Variants in MAP3K4 observed in about 807,000 individuals in gnomAD.
MAP3K4 encodes mitogen-activated protein kinase kinase kinase 4.
In MAP3K4, 67 loss-of-function variants were observed where a neutral mutation model predicts 185.6. The ratio of observed to expected loss-of-function variants is 0.36; its 90% CI spans 0.30 to 0.44. MAP3K4 has a LOEUF of 0.44. MAP3K4 is among the 20% of genes least tolerant of loss of function. The probability of loss-of-function intolerance (pLI) is 1.00; values close to 1 mark genes in which losing one functional copy is unlikely to be tolerated. For synonymous variants in MAP3K4, 702 were observed against 710.4 expected (o/e 0.99, Z 0.19); for missense variants, 1,551 against 1,995.1 (o/e 0.78, Z 4.24).
intron 1 of MAP3K4, among the ~76,000 whole-genome samples, chr6:161,030,501 G>T (rs1259767788): frequency 2.6e-5 from 4 of 151,988 alleles, no homozygotes; most frequent in Non-Finnish European, 4.4e-5. Context: ...GGAGTGCAGT[G>T]GTGCCAGCTC....
chr6:161,034,456 CT>C lies in MAP3K4; in HGVS notation c.343+9del, dbSNP rs748011285. The C allele has an allele frequency of 2.4e-5, 38 of 1,612,174 alleles. No homozygotes were observed. In the African/African-American group the frequency reaches 4.1e-4, roughly 18 times the overall value. On this transcript the variant is annotated splice_region_variant and intron_variant, in intron 2 of 26. Transcript: ENST00000392142. This position sits in a 1 kb window ranked among gnomAD's most constrained non-coding sequence, Gnocchi z 4.4. The stretch of plus-strand genomic sequence containing the variant: ...AGTCGGTCTAATTTGAAAGGTGAGT[CT>C]TGTACTTGAAAAGAGGTGTACATGA...
At chr6:161,026,337 A>G (rs62435484) in intron 1 of MAP3K4, among the ~76,000 whole-genome samples, 13,558 of 151,600 alleles carry the variant, frequency 0.089, 853 homozygotes, top group African/African-American at 0.18. Context: ...GGGTTTCACC[A>G]TGTTAGCCAG....
In MAP3K4 at chr6:161,093,670, G is replaced by A; in HGVS notation, c.3349-103G>A. ...AAACTAACTGAAAATATTTTGGGTA[G>A]CATGTTTTTAAAAATATACTGAAAA... On this transcript the variant is annotated intron_variant, in intron 14 of 26. Coordinates refer to ENST00000392142, the MANE Select transcript of MAP3K4 (RefSeq NM_005922.4). The surrounding 1 kb of genome is among the most constrained non-coding windows in gnomAD (Gnocchi z 5.2). The A allele has an allele frequency of 1.5e-6, 1 of 648,872 alleles. No homozygotes were observed. The highest frequency in any genetic ancestry group is 2.7e-6 in the Non-Finnish European group (1 of 372,614). 40.2% of individuals were successfully genotyped at this position (648,872 alleles called of 1,614,324 possible).
At chr6:160,992,239 TC>T in intron 1 of MAP3K4, 156 bp downstream of exon 1, 1 of 1,038,594 alleles carries the variant, frequency 9.6e-7, no homozygotes, top group Non-Finnish European at 1.3e-6. Context: ...CATCCCTGGG[TC>T]CCAGGGGACC....
At chr6:161,021,290 T>G (rs1161226567) in intron 1 of MAP3K4, among the ~76,000 whole-genome samples, 1 of 152,184 alleles carries the variant, frequency 6.6e-6, no homozygotes, top group Admixed American at 6.5e-5. Context: ...CAGAAGCTGT[T>G]GGGGATAAGA....
Position 161,108,816 on chromosome 6 carries a change from A to G in MAP3K4, c.4193A>G (p.Lys1398Arg). The change falls in exon 22 of 27, where the codon AAA (lysine) becomes AGA (arginine). Residue 1398 changes from lysine (K) to arginine (R), a missense_variant. Lys to Arg is a conservative substitution (Grantham distance 26). Coordinates refer to ENST00000392142, the MANE Select transcript of MAP3K4 (RefSeq NM_005922.4). The surrounding 1 kb of genome is among the most constrained non-coding windows in gnomAD (Gnocchi z 5.7). The stretch of plus-strand genomic sequence containing the variant: ...GAATTGAAAATATTCGAAGGCATCA[A>G]ACACCCCAATCTGGTTCGGTATTTT... Reference protein sequence around the residue: ...ADELKIFEGIKHPNLVRYFGV... With the variant: ...ADELKIFEGIRHPNLVRYFGV... The G allele has an allele frequency of 6.2e-7, 1 of 1,614,134 alleles. No homozygotes were observed. Among genetic ancestry groups the G allele is most frequent in the Non-Finnish European group, 8.5e-7 (1 of 1,180,012 alleles).
chr6:161,064,940 C>G lies in MAP3K4; in HGVS notation c.1708-5668C>G, dbSNP rs1784642056. The stretch of plus-strand genomic sequence containing the variant: ...CCAAGGTATTGTCCAAACAGGTTTC[C>G]CTCAGGAAGGTTTAATTGGTGGATT... On this transcript the variant is annotated intron_variant, in intron 3 of 26. Coordinates refer to ENST00000392142, the MANE Select transcript of MAP3K4 (RefSeq NM_005922.4). The surrounding 1 kb of genome is among the most constrained non-coding windows in gnomAD (Gnocchi z 4.3). Among the ~76,000 whole-genome samples, 1 of 152,116 alleles carries G rather than the reference C, an allele frequency of 6.6e-6. No individual in the cohort carries two copies. Among genetic ancestry groups the G allele is most frequent in the African/African-American group, 2.4e-5 (1 of 41,432 alleles).
At position 161,082,812 on chromosome 6, in the gene MAP3K4, C is replaced by T. The variant is rs749711616; in HGVS notation, c.2256-1689C>T. 3.3e-5 allele frequency among the ~76,000 whole-genome samples: 5 copies of T among 152,222 alleles called. No individual in the cohort carries two copies. Among genetic ancestry groups the T allele is most frequent in the Non-Finnish European group, 7.3e-5 (5 of 68,042 alleles). On this transcript the variant is annotated intron_variant, in intron 6 of 26. Transcript: ENST00000392142. This position sits in a 1 kb window ranked among gnomAD's most constrained non-coding sequence, Gnocchi z 4.2. ...TATGTTATTGCAGTAGCTCTCTAAA[C>T]AGTCTCCCTACTTCTGCCTGAAGCC...
intron 1 of MAP3K4, among the ~76,000 whole-genome samples, chr6:160,994,685 T>C (rs1048456075): frequency 1.3e-5 from 2 of 152,188 alleles, no homozygotes; most frequent in Admixed American, 1.3e-4. Context: ...ATGGTAGTTC[T>C]ACTTTTAGTT....
chr6:161,072,658 G>T (rs1261323725), intron 4 of MAP3K4, among the ~76,000 whole-genome samples: 1 of 152,184 alleles, frequency 6.6e-6, no homozygotes, highest in African/African-American at 2.4e-5. Flanking sequence ...ACTCTAGAAA[G>T]TTTGTATCAG....
Position 161,109,642 on chromosome 6 carries a change from C to A in MAP3K4, c.4237-113C>A. 1 of 1,051,272 alleles carries A rather than the reference C, an allele frequency of 9.5e-7. No homozygotes were observed. Among genetic ancestry groups the A allele is most frequent in the African/African-American group, 1.6e-5 (1 of 63,978 alleles). The allele number at this position is 1,051,272 out of a possible 1,614,324, so 65.1% of individuals were successfully genotyped here. A position where few individuals can be genotyped will look rare whatever the true frequency, so the allele number is the denominator to read the frequency against. Reference sequence around the variant, plus strand: ...TGCTCAGGATGGCAAGTGTAGTATACCGTTAGAAAGAACATTCCTTTGGGG... The same window carrying A: ...TGCTCAGGATGGCAAGTGTAGTATAACGTTAGAAAGAACATTCCTTTGGGG... On this transcript the variant is annotated intron_variant, in intron 22 of 26. Transcript: ENST00000392142. The surrounding 1 kb of genome is among the most constrained non-coding windows in gnomAD (Gnocchi z 5.7).
At chr6:161,016,249 T>C (rs925040670) in intron 1 of MAP3K4, among the ~76,000 whole-genome samples, 1 of 152,214 alleles carries the variant, frequency 6.6e-6, no homozygotes, top group East Asian at 1.9e-4. Context: ...ATTCTTTATA[T>C]AAGTCTCTTA....
At chr6:161,081,757 T>C (rs1785470592) in intron 6 of MAP3K4, among the ~76,000 whole-genome samples, 1 of 152,194 alleles carries the variant, frequency 6.6e-6, no homozygotes, top group Non-Finnish European at 1.5e-5. Context: ...CGGACTTGCT[T>C]TGGCTCAGAT....
rs988359062 is a variant in MAP3K4, at chr6:160,992,302, C to T, written c.152+219C>T. 5.2e-6 allele frequency: 3 copies of T among 579,940 alleles called. No individual in the cohort carries two copies. The African/African-American group carries it at 6.0e-5, about 12-fold the overall frequency. 35.9% of individuals were successfully genotyped at this position (579,940 alleles called of 1,614,324 possible). A position where few individuals can be genotyped will look rare whatever the true frequency, so the allele number is the denominator to read the frequency against. On this transcript the variant is annotated intron_variant, in intron 1 of 26. Coordinates refer to ENST00000392142, the MANE Select transcript of MAP3K4 (RefSeq NM_005922.4). The stretch of plus-strand genomic sequence containing the variant: ...CCCGGGGTTGCAGCTCCGCAGGGTT[C>T]CGCTCGAGCGTGTTGCCGGCTCCCC...
rs1285363773 is a variant in MAP3K4 at position 161,070,951 on chromosome 6, CA to C, written c.1950+104del. ...GTTCCTTTTTTTTTCTTAATTGTCG[CA>C]AATAGTGAAAAATGACTGTTTGTCC... On this transcript the variant is annotated intron_variant, in intron 4 of 26. Transcript: ENST00000392142. The surrounding 1 kb of genome is among the most constrained non-coding windows in gnomAD (Gnocchi z 4.5). 8.9e-7 allele frequency: 1 copy of C among 1,120,466 alleles called. No individual in the cohort carries two copies. The highest frequency in any genetic ancestry group is 1.6e-5 in the African/African-American group (1 of 63,088). The allele number at this position is 1,120,466 out of a possible 1,614,324, so 69.4% of individuals were successfully genotyped here.
chr6:161,030,351 T>C (rs908120977), intron 1 of MAP3K4, among the ~76,000 whole-genome samples: 1 of 152,222 alleles, frequency 6.6e-6, no homozygotes, highest in African/African-American at 2.4e-5. Context: ...TTTTTATCAT[T>C]ATAATGTCTA....
chr6:161,043,820 T>G lies in MAP3K4; in HGVS notation c.344-4796T>G, dbSNP rs1783600956. On this transcript the variant is annotated intron_variant, in intron 2 of 26. Transcript: ENST00000392142. This position sits in a 1 kb window ranked among gnomAD's most constrained non-coding sequence, Gnocchi z 4.3. Reference sequence around the variant, plus strand: ...TTCTAGTTCATCATTACTCTGAAGATCATCTCATACTTAAAGATTATCCAT... The same window carrying G: ...TTCTAGTTCATCATTACTCTGAAGAGCATCTCATACTTAAAGATTATCCAT... 6.6e-6 allele frequency among the ~76,000 whole-genome samples: 1 copy of G among 152,228 alleles called. No individual in the cohort carries two copies. The highest frequency in any genetic ancestry group is 1.5e-5 in the Non-Finnish European group (1 of 68,030).
intron 19 of MAP3K4, among the ~76,000 whole-genome samples, chr6:161,104,803 A>G (rs1777994338): frequency 1.3e-5 from 2 of 152,140 alleles, no homozygotes; most frequent in Non-Finnish European, 2.9e-5. Flanking sequence ...TGCTGTCAAA[A>G]TCTTGCCCTG....
intron 2 of MAP3K4, among the ~76,000 whole-genome samples, chr6:161,047,258 T>C (rs2114756140): frequency 7.3e-6 from 1 of 136,392 alleles, no homozygotes; most frequent in East Asian, 2.3e-4. Flanking sequence ...TTAGGAAACA[T>C]AGTGGGATCC....
Sources: allele counts gnomAD v4.1 joint callset (sites outside exome capture counted in the v4.1 genomes callset), GRCh38; gene constraint gnomAD v4.1.1; non-coding constraint Gnocchi (gnomAD v3.1); transcripts MANE v1.5; gene names NCBI Gene and HGNC (gene_info 2026-07-23, HGNC 2026-07-21).